The following DNAH11 variants were observed in gnomAD, a reference collection of about 807,000 sequenced individuals.
DNAH11 encodes dynein axonemal heavy chain 11.
DNAH11 carries 442 observed loss-of-function variants against 526.0 expected under a neutral mutation model. The ratio of observed to expected loss-of-function variants is 0.84; its 90% CI spans 0.78 to 0.91. The LOEUF (loss-of-function observed/expected upper bound fraction) is 0.91, where lower values mean the gene tolerates loss of function less well. DNAH11 is among the 40% of genes least tolerant of loss of function. The probability of loss-of-function intolerance (pLI) is 0.00; values close to 1 mark genes in which losing one functional copy is unlikely to be tolerated. For missense variants in DNAH11, 6,989 were observed against 5,448.7 expected (o/e 1.28, Z -8.90); for synonymous variants, 2,461 against 1,935.9 (o/e 1.27, Z -7.12).
At chr7:21,731,487 A>G (rs1309561769) in intron 45 of DNAH11, among the ~76,000 whole-genome samples, 1 of 152,236 alleles carries the variant, frequency 6.6e-6, no homozygotes, top group Non-Finnish European at 1.5e-5. Context: ...AGACCTAGAT[A>G]CACCAATATC....
intron 69 of DNAH11, 114 bp from the exon 70 acceptor site, chr7:21,864,421 C>G: frequency 1.1e-6 from 1 of 950,622 alleles, no homozygotes; most frequent in East Asian, 2.7e-5. Flanking sequence ...AAGTGGAGTT[C>G]CCAGCAGGTA....
At chr7:21,890,524 T>G (rs971504471) in intron 76 of DNAH11, among the ~76,000 whole-genome samples, 1 of 152,216 alleles carries the variant, frequency 6.6e-6, no homozygotes, top group Non-Finnish European at 1.5e-5. Context: ...CTTCTGAAAT[T>G]TCTTTCAATT....
At chr7:21,626,260 A>G (rs371371004) in intron 25 of DNAH11, among the ~76,000 whole-genome samples, 1 of 152,178 alleles carries the variant, frequency 6.6e-6, no homozygotes, top group Non-Finnish European at 1.5e-5. Context: ...AATGTCCTCT[A>G]GTTCCATCCA....
At chr7:21,717,584 A>T (rs1249914821) in intron 42 of DNAH11, among the ~76,000 whole-genome samples, 191 bp from the exon 43 acceptor site, 1 of 152,150 alleles carries the variant, frequency 6.6e-6, no homozygotes, top group African/African-American at 2.4e-5. Flanking sequence ...TCATTAAGGT[A>T]AAATGGCCAT....
intron 2 of DNAH11, among the ~76,000 whole-genome samples, chr7:21,557,374 A>C (rs549866378): frequency 6.6e-6 from 1 of 152,166 alleles, no homozygotes; most frequent in Admixed American, 6.5e-5. Context: ...TGGTGTATCA[A>C]TACTGGACAT....
chr7:21,604,622 T>C (rs988041266), intron 18 of DNAH11, among the ~76,000 whole-genome samples: 1 of 152,202 alleles, frequency 6.6e-6, no homozygotes, highest in Non-Finnish European at 1.5e-5. Flanking sequence ...CCTCCTTGAG[T>C]GGATCATCTG....
At chr7:21,633,517 C>A (rs1454079182) in intron 25 of DNAH11, among the ~76,000 whole-genome samples, 4 of 152,162 alleles carry the variant, frequency 2.6e-5, no homozygotes, top group Admixed American at 6.5e-5. Flanking sequence ...CATTTTAAAT[C>A]ACATTTTTTA....
chr7:21,742,287 G>A (rs1785942274), intron 49 of DNAH11, 121 bp downstream of exon 49: 1 of 1,216,600 alleles, frequency 8.2e-7, no homozygotes, highest in East Asian at 2.5e-5. Context: ...ATAAAGAAAA[G>A]AGGTTTAATT....
chr7:21,621,295 AC>A (rs1665810895), intron 25 of DNAH11, among the ~76,000 whole-genome samples: 1 of 152,212 alleles, frequency 6.6e-6, no homozygotes, highest in African/African-American at 2.4e-5. Context: ...CTCTGAATAG[AC>A]CAATAACAGG....
chr7:21,828,662 T>A (rs1332102202), intron 65 of DNAH11, among the ~76,000 whole-genome samples: 2 of 151,976 alleles, frequency 1.3e-5, no homozygotes, highest in African/African-American at 4.8e-5. Context: ...TTTTTGATGC[T>A]ACATTATGAT....
At position 21,609,363 on chromosome 7, in the gene DNAH11, G is replaced by A. The variant is rs114605817; in HGVS notation, c.3852+2630G>A. On this transcript the variant is annotated intron_variant, in intron 20 of 81. Transcript: ENST00000409508. ...CCTGAGTAGCTGGGACCACAGACAG[G>A]CACGCACCACCACACCTGGCTAATT... Among the ~76,000 whole-genome samples the A allele has an allele frequency of 4.2e-3, 635 of 152,090 alleles. 3 individuals are homozygous for A. The highest frequency in any genetic ancestry group is 0.015 in the African/African-American group (602 of 41,458).
At chr7:21,603,455 T>C (rs1785168796) in intron 18 of DNAH11, among the ~76,000 whole-genome samples, 1 of 152,256 alleles carries the variant, frequency 6.6e-6, no homozygotes, top group African/African-American at 2.4e-5. Context: ...GGTAGTTCTA[T>C]ATTTAACTTT....
intron 79 of DNAH11, among the ~76,000 whole-genome samples, chr7:21,898,717 T>C (rs1784622498): frequency 6.6e-6 from 1 of 152,204 alleles, no homozygotes; most frequent in African/African-American, 2.4e-5. Flanking sequence ...CTTGCCCAAT[T>C]GTGAGGAGCC....
intron 46 of DNAH11, among the ~76,000 whole-genome samples, chr7:21,738,309 C>A (rs1785706997): frequency 6.6e-6 from 1 of 152,190 alleles, no homozygotes. Context: ...TTCTCAGACT[C>A]TTCCGCAGAG....
intron 36 of DNAH11, 130 bp from the exon 37 acceptor site, chr7:21,702,580 A>G: frequency 1.4e-6 from 1 of 707,746 alleles, no homozygotes; most frequent in Non-Finnish European, 2.4e-6. Context: ...GCAGAAGAAA[A>G]TAGTATTTTG....
intron 44 of DNAH11, among the ~76,000 whole-genome samples, chr7:21,722,199 A>G (rs1452991762): frequency 6.6e-6 from 1 of 152,176 alleles, no homozygotes; most frequent in Non-Finnish European, 1.5e-5. Context: ...CATTGCACAA[A>G]TAAAGTAAAG....
chr7:21,591,186 A>G lies in DNAH11; in HGVS notation c.2276A>G (p.Tyr759Cys). The G allele has an allele frequency of 6.5e-7, 1 of 1,546,110 alleles. No individual in the cohort carries two copies. Among genetic ancestry groups the G allele is most frequent in the Non-Finnish European group, 8.7e-7 (1 of 1,152,884 alleles). ...IFKKRNTILK[Y>C]IGNLDLLVQG... ...TGTTTTGGGGTTTTCTTTGCTCAGTACATTGGAAATCTTGACCTTCTTGTG... is the reference window on the plus strand; with the variant it reads ...TGTTTTGGGGTTTTCTTTGCTCAGTGCATTGGAAATCTTGACCTTCTTGTG... Residue 759 changes from tyrosine (Y) to cysteine (C), a missense_variant and splice_region_variant, in exon 14 of 82, where the codon TAC becomes TGC. Physicochemically the swap from Tyr to Cys is radical, Grantham distance 194. Transcript: ENST00000409508.
Position 21,601,061 on chromosome 7 carries a change from A to G in DNAH11, c.3307A>G (p.Arg1103Gly), listed in dbSNP as rs774595521. The G allele has an allele frequency of 3.7e-6, 6 of 1,612,162 alleles. No homozygotes were observed. In the East Asian group the frequency reaches 1.1e-4, roughly 30 times the overall value. ...TCAAATGAGCAAATTTGAGGACTTT[A>G]GAGTGTTTGATAGTTGGTTCAAGGT... is the stretch of plus-strand genomic sequence containing the variant. The part of the protein sequence containing the change: ...YVQMSKFEDF[R>G]VFDSWFKVDM... The change falls in exon 17 of 82, where the codon AGA (arginine) becomes GGA (glycine). Residue 1103 changes from arginine to glycine, a missense_variant. Coordinates refer to ENST00000409508, the MANE Select transcript of DNAH11 (RefSeq NM_001277115.2).
At chr7:21,768,346 T>C (rs1332379681) in intron 55 of DNAH11, among the ~76,000 whole-genome samples, 1 of 152,178 alleles carries the variant, frequency 6.6e-6, no homozygotes, top group Non-Finnish European at 1.5e-5. Context: ...CAAGAGAAGC[T>C]GCGGTGTTGA....
Sources: gnomAD v4.1 joint callset for allele counts (sites outside exome capture counted in the v4.1 genomes callset) on GRCh38, gnomAD v4.1.1 for gene constraint, MANE v1.5 for transcripts, NCBI Gene and HGNC (gene_info 2026-07-23, HGNC 2026-07-21) for gene names.